Variants in MYSM1 observed in about 807,000 individuals in gnomAD.
MYSM1 encodes the protein deubiquitinase MYSM1.
A neutral mutation model predicts 116.0 loss-of-function variants in MYSM1; 51 were observed. The observed-to-expected ratio is 0.44, with a 90% confidence interval of 0.35 to 0.56. MYSM1 has a LOEUF of 0.56. MYSM1 is among the 20% of genes least tolerant of loss of function. The probability of loss-of-function intolerance (pLI) is 0.00; values close to 1 mark genes in which losing one functional copy is unlikely to be tolerated. For missense variants in MYSM1, 900 were observed against 974.9 expected (o/e 0.92, Z 1.02); for synonymous variants, 313 against 315.2 (o/e 0.99, Z 0.07).
rs1644320591 is a variant in MYSM1, at chr1:58,656,480, G to A, written c.*3517C>T. The A allele has an allele frequency of 1.3e-5, 2 of 152,290 alleles. No individual in the cohort carries two copies. The highest frequency in any genetic ancestry group is 2.4e-5 in the African/African-American group (1 of 41,570). 9.4% of individuals were successfully genotyped at this position (152,290 alleles called of 1,614,324 possible). On this transcript the variant is annotated 3_prime_UTR_variant, in exon 20 of 20. Coordinates refer to ENST00000472487, the MANE Select transcript of MYSM1 (RefSeq NM_001085487.3). Reference sequence around the variant, plus strand: ...GATGTTTCCCTTTCAAGTGTGGCACGAGTTTCAAAACTACAGATTAGGGAC... The same window carrying A: ...GATGTTTCCCTTTCAAGTGTGGCACAAGTTTCAAAACTACAGATTAGGGAC...
intron 1 of MYSM1, 167 bp downstream of exon 1, chr1:58,699,818 T>A: frequency 1.0e-6 from 1 of 985,406 alleles, no homozygotes; most frequent in African/African-American, 1.7e-5. Context: ...CCCGCTGGGC[T>A]TGGGACAAGC....
chr1:58,661,935 A>C (rs1024229999), intron 17 of MYSM1, among the ~76,000 whole-genome samples: 1 of 151,816 alleles, frequency 6.6e-6, no homozygotes. Flanking sequence ...ATATATATAC[A>C]GGTTATTAAG....
At position 58,659,241 on chromosome 1, in the gene MYSM1, A is replaced by G. The variant is rs1224938304; in HGVS notation, c.*756T>C. Reference sequence around the variant, plus strand: ...CAGTAGAAAAAAAGTTTGAGTTATGATTACCTATGTTCCAGTTAAATGAGG... The same window carrying G: ...CAGTAGAAAAAAAGTTTGAGTTATGGTTACCTATGTTCCAGTTAAATGAGG... On this transcript the variant is annotated 3_prime_UTR_variant, in exon 20 of 20. Transcript: ENST00000472487. 1 of 152,108 alleles carries G rather than the reference A, an allele frequency of 6.6e-6. No homozygotes were observed. Among genetic ancestry groups the G allele is most frequent in the Non-Finnish European group, 1.5e-5 (1 of 67,992 alleles). 9.4% of individuals were successfully genotyped at this position (152,108 alleles called of 1,614,324 possible). A position where few individuals can be genotyped will look rare whatever the true frequency, so the allele number is the denominator to read the frequency against.
chr1:58,671,941 C>T lies in MYSM1; in HGVS notation c.1590G>A (p.Glu530=). Reference sequence around the variant, plus strand: ...TTTCCTCTTCTCTTCTTTTTGCCAACTCCTCAGCAGAGAGATGCTAAAACA... The same window carrying T: ...TTTCCTCTTCTCTTCTTTTTGCCAATTCCTCAGCAGAGAGATGCTAAAACA... ...GQTFEHLSAE[E]LAKRREEEKG... is the part of the protein sequence containing the mutation. The change falls in exon 12 of 20, where the codon GAG becomes GAA. Residue 530 remains glutamate, a synonymous_variant. Coordinates refer to ENST00000472487, the MANE Select transcript of MYSM1 (RefSeq NM_001085487.3). 1 of 1,613,176 alleles carries T rather than the reference C, an allele frequency of 6.2e-7. No homozygotes were observed. The highest frequency in any genetic ancestry group is 8.5e-7 in the Non-Finnish European group (1 of 1,179,608).
intron 1 of MYSM1, among the ~76,000 whole-genome samples, chr1:58,697,881 A>G (rs6680750): frequency 0.41 from 61,661 of 150,182 alleles, 12,737 homozygotes; most frequent in Middle Eastern, 0.57. Context: ...GAGCCACCGC[A>G]CCCAGCCAAC....
rs951939476 is a variant in MYSM1 at position 58,657,973 on chromosome 1, G to C, written c.*2024C>G. 3 of 152,146 alleles carry C rather than the reference G, an allele frequency of 2.0e-5. No individual in the cohort carries two copies. The highest frequency in any genetic ancestry group is 7.2e-5 in the African/African-American group (3 of 41,442). The allele number at this position is 152,146 out of a possible 1,614,324, so 9.4% of individuals were successfully genotyped here. On this transcript the variant is annotated 3_prime_UTR_variant, in exon 20 of 20. Coordinates refer to ENST00000472487, the MANE Select transcript of MYSM1 (RefSeq NM_001085487.3). Reference sequence around the variant, plus strand: ...AGGGAAATGTCAATCAAGAAAGCTAGTATAAAACACTTTTTAGTATTTGTT... The same window carrying C: ...AGGGAAATGTCAATCAAGAAAGCTACTATAAAACACTTTTTAGTATTTGTT...
chr1:58,668,289 G>A, intron 14 of MYSM1: 1 of 394,570 alleles, frequency 2.5e-6, no homozygotes, highest in Non-Finnish European at 4.1e-6. Flanking sequence ...ACTGTTGGAG[G>A]TATCGGTAGT....
intron 16 of MYSM1, among the ~76,000 whole-genome samples, chr1:58,666,448 C>T (rs1175089782): frequency 6.6e-6 from 1 of 151,828 alleles, no homozygotes. Context: ...ACCAGTGATA[C>T]ATTCATGGCT....
At chr1:58,684,564 C>CAA (rs1228037580) in intron 7 of MYSM1, among the ~76,000 whole-genome samples, 31 of 60,896 alleles carry the variant, frequency 5.1e-4, no homozygotes, top group Admixed American at 2.2e-3. Flanking sequence ...GACTCTGTCT[C>CAA]AAAAAAAAAA....
In MYSM1 at chr1:58,675,534, G is replaced by C. The variant is rs1366568192; in HGVS notation, c.1437C>G (p.Ile479Met). 6.2e-7 allele frequency: 1 copy of C among 1,613,542 alleles called. No individual in the cohort carries two copies. Among genetic ancestry groups the C allele is most frequent in the African/African-American group, 1.3e-5 (1 of 74,908 alleles). The part of the protein sequence containing the change: ...NRPQTVDKVR[I>M]RDRKDAVEAY... ...CTTCTACTGCATCTTTTCTGTCTCT[G>C]ATTCGTACTTTGTCAACTGTTTGTG... is the stretch of plus-strand genomic sequence containing the variant. The change falls in exon 10 of 20, where the codon ATC (isoleucine) becomes ATG (methionine). Residue 479 changes from isoleucine (I) to methionine (M), a missense_variant. Ile to Met is a conservative substitution (Grantham distance 10). Transcript: ENST00000472487.
At chr1:58,663,673 G>A (rs1178962953) in intron 17 of MYSM1, among the ~76,000 whole-genome samples, 4 of 152,186 alleles carry the variant, frequency 2.6e-5, no homozygotes, top group African/African-American at 9.7e-5. Flanking sequence ...TTTCCCATCT[G>A]GGCTAGTTTA....
chr1:58,670,763 T>C (rs1204491645), intron 12 of MYSM1, among the ~76,000 whole-genome samples: 1 of 152,208 alleles, frequency 6.6e-6, no homozygotes, highest in African/African-American at 2.4e-5. Context: ...ATTTATTCAA[T>C]TAAACATTGC....
chr1:58,697,793 T>C (rs950208984), intron 1 of MYSM1, among the ~76,000 whole-genome samples: 1 of 151,424 alleles, frequency 6.6e-6, no homozygotes, highest in Non-Finnish European at 1.5e-5. Context: ...TTCTCCATGT[T>C]GGTCAGGCTG....
In MYSM1 at chr1:58,682,424, G is replaced by A; in HGVS notation, c.620C>T (p.Pro207Leu). The change falls in exon 8 of 20, where the codon CCC becomes CTC. Residue 207 changes from proline to leucine, a missense_variant. By Grantham distance (98) the Pro-to-Leu change is moderately conservative. Around this residue, in one of 3 missense-constraint regions of MYSM1, gnomAD observed 622 missense variants for 623.7 expected, o/e 1.00. Transcript: ENST00000472487. Reference sequence around the variant, plus strand: ...TTCAATTTTTACAGCATTCAAGTTGGGATCAGCACGTCCCCTTAAACATGA... The same window carrying A: ...TTCAATTTTTACAGCATTCAAGTTGAGATCAGCACGTCCCCTTAAACATGA... ...TPSCLRGRAD[P>L]NLNAVKIEKL... 1 of 1,614,008 alleles carries A rather than the reference G, an allele frequency of 6.2e-7. No individual in the cohort carries two copies. Among genetic ancestry groups the A allele is most frequent in the Non-Finnish European group, 8.5e-7 (1 of 1,180,004 alleles).
At chr1:58,675,610 CTAT>C (rs755813244) in intron 9 of MYSM1, 30 bp from the exon 10 acceptor site, 2 of 1,565,756 alleles carry the variant, frequency 1.3e-6, no homozygotes, top group South Asian at 2.3e-5. Context: ...ATAAAACCAT[CTAT>C]TATTTTGTGA....
At chr1:58,678,630 G>A (rs1644691435) in intron 8 of MYSM1, among the ~76,000 whole-genome samples, 1 of 152,142 alleles carries the variant, frequency 6.6e-6, no homozygotes, top group South Asian at 2.1e-4. Context: ...GTTGAGGGGA[G>A]AAGAGACAGT....
Position 58,657,418 on chromosome 1 carries a change from C to G in MYSM1, c.*2579G>C, listed in dbSNP as rs934447365. The G allele has an allele frequency of 1.3e-5, 2 of 152,144 alleles. No individual in the cohort carries two copies. The highest frequency in any genetic ancestry group is 4.1e-4 in the South Asian group (2 of 4,826). The allele number at this position is 152,144 out of a possible 1,614,324, so 9.4% of individuals were successfully genotyped here. ...CTGAACTTCCTGTATCATAGGCCCCCTCAGTTCTAGACTTCCTCTGTGCTT... is the reference window on the plus strand; with the variant it reads ...CTGAACTTCCTGTATCATAGGCCCCGTCAGTTCTAGACTTCCTCTGTGCTT... On this transcript the variant is annotated 3_prime_UTR_variant, in exon 20 of 20. Transcript: ENST00000472487.
chr1:58,695,948 C>T (rs142001463), intron 1 of MYSM1, among the ~76,000 whole-genome samples: 25 of 152,210 alleles, frequency 1.6e-4, no homozygotes, highest in East Asian at 1.2e-3. Flanking sequence ...TATTTTGCTT[C>T]GTTATTGACT....
At chr1:58,692,744 TAGC>T (rs1200322154) in intron 3 of MYSM1, 114 bp downstream of exon 3, 6 of 629,006 alleles carry the variant, frequency 9.5e-6, no homozygotes, top group Admixed American at 2.9e-5. Flanking sequence ...AATTATATAA[TAGC>T]AGTCTGGTGC....
Sources: gnomAD v4.1 joint callset for allele counts (sites outside exome capture counted in the v4.1 genomes callset) on GRCh38, gnomAD v4.1.1 for gene constraint, gnomAD v4.1.1 regional missense constraint, MANE v1.5 for transcripts, NCBI Gene and HGNC (gene_info 2026-07-23, HGNC 2026-07-21) for gene names.